Variants in SYTL5 observed in about 807,000 individuals in gnomAD.
SYTL5 encodes the protein synaptotagmin-like protein 5.
Under a neutral mutation model 55.9 loss-of-function variants are expected in SYTL5, and 34 were observed. The ratio of observed to expected loss-of-function variants is 0.61; its 90% confidence interval spans 0.46 to 0.81. SYTL5 has a LOEUF of 0.81. Ranked by LOEUF, SYTL5 falls within the 30% of genes least tolerant of loss-of-function variation. The pLI is 0.00. For synonymous variants in SYTL5, 221 were observed against 188.7 expected (o/e 1.17, Z -1.40); for missense variants, 637 against 546.7 (o/e 1.17, Z -1.65).
At chrX:37,915,160 G>A in the SYTL5 span, among the ~76,000 whole-genome samples, 2 of 111,562 alleles carry the variant, frequency 1.8e-5, no homozygotes, top group African/African-American at 3.3e-5. Context: ...GTGTGTGTGC[G>A]CGCGCATGCA....
chrX:38,056,726 C>G lies in SYTL5; in HGVS notation c.329+2304C>G, dbSNP rs747820040. On this transcript the variant is annotated intron_variant, in intron 3 of 16. Transcript: ENST00000297875. ...ATCTGATGATCAATGTTGTTGAACA[C>G]CTTTTCATATGCGTGTTTGCCATTT... is the stretch of plus-strand genomic sequence containing the variant. Among the ~76,000 whole-genome samples, 6 of 111,797 alleles carry G rather than the reference C, an allele frequency of 5.4e-5. No individual in the cohort carries two copies. In the South Asian group the frequency reaches 2.2e-3, roughly 42 times the overall value.
At chrX:37,900,056 ATGAAAC>A in the SYTL5 span, among the ~76,000 whole-genome samples, 3 of 111,986 alleles carry the variant, frequency 2.7e-5, no homozygotes, top group Non-Finnish European at 5.6e-5. Context: ...AATAGGCTGA[ATGAAAC>A]TGAAACAAGT....
intron 6 of SYTL5, among the ~76,000 whole-genome samples, chrX:38,088,157 A>T (rs941814374): frequency 9.0e-6 from 1 of 111,711 alleles, no homozygotes; most frequent in Non-Finnish European, 1.9e-5. Context: ...CACAGCTTTG[A>T]AAAAACTTAG....
At chrX:38,037,788 TGATA>T (rs3067489) in intron 2 of SYTL5, among the ~76,000 whole-genome samples, 7,070 of 82,377 alleles carry the variant, frequency 0.086, 219 homozygotes, top group Middle Eastern at 0.13. Flanking sequence ...AACATTTTTC[TGATA>T]GATAGATAGA....
At chrX:37,975,259 G>A in the SYTL5 span, among the ~76,000 whole-genome samples, 3 of 111,794 alleles carry the variant, frequency 2.7e-5, no homozygotes, top group African/African-American at 9.8e-5. Flanking sequence ...GTCATTGGCT[G>A]AGAGCTCCTC....
chrX:37,980,069 GTTCT>G, the SYTL5 span, among the ~76,000 whole-genome samples: 1 of 111,035 alleles, frequency 9.0e-6, no homozygotes, highest in Non-Finnish European at 1.9e-5. Context: ...TTGGTTTTTT[GTTCT>G]TGCGAGTTTG....
At chrX:38,105,253 A>T (rs1452991026) in intron 10 of SYTL5, among the ~76,000 whole-genome samples, 2 of 112,791 alleles carry the variant, frequency 1.8e-5, no homozygotes, top group Non-Finnish European at 3.7e-5. Context: ...ACTCTGAGGC[A>T]TGTCTCAGTT....
chrX:38,015,143 C>T (rs1288696922), intron 1 of SYTL5, among the ~76,000 whole-genome samples: 1 of 112,202 alleles, frequency 8.9e-6, no homozygotes, highest in Non-Finnish European at 1.9e-5. Context: ...ATCATTATTA[C>T]CATGACTCAT....
chrX:38,083,773 C>CGTGTGTGTGTGTGTGT (rs1569180907), intron 6 of SYTL5, among the ~76,000 whole-genome samples: 1 of 40,191 alleles, frequency 2.5e-5, no homozygotes, highest in Admixed American at 2.9e-4. Flanking sequence ...TAAATAGACT[C>CGTGTGTGTGTGTGTGT]ATGTGTGTGT....
chrX:37,960,328 T>G, the SYTL5 span, among the ~76,000 whole-genome samples: 1 of 104,627 alleles, frequency 9.6e-6, no homozygotes. Flanking sequence ...TCTGCTTTCA[T>G]TTTAATTACA....
the SYTL5 span, among the ~76,000 whole-genome samples, chrX:37,944,096 G>A: frequency 1.8e-5 from 2 of 111,026 alleles, no homozygotes; most frequent in Admixed American, 9.6e-5. Flanking sequence ...GGAAGCCTGA[G>A]AAAGGAACTT....
the SYTL5 span, among the ~76,000 whole-genome samples, chrX:37,971,123 A>G: frequency 2.0e-5 from 2 of 101,509 alleles, no homozygotes; most frequent in South Asian, 4.4e-4. Flanking sequence ...AGCTCTTTAC[A>G]TATTTTTAGT....
At chrX:37,989,451 C>T in the SYTL5 span, among the ~76,000 whole-genome samples, 2 of 111,735 alleles carry the variant, frequency 1.8e-5, no homozygotes, top group African/African-American at 6.5e-5. Context: ...ACATATGCTA[C>T]CATTCAAAAT....
chrX:38,054,184 AAG>A (rs1935705099), intron 2 of SYTL5, 27 bp from the exon 3 acceptor site: 1 of 1,102,067 alleles, frequency 9.1e-7, no homozygotes, highest in Non-Finnish European at 1.2e-6. Context: ...TTGTTTTTTT[AAG>A]TGATTTTTTT....
intron 2 of SYTL5, among the ~76,000 whole-genome samples, chrX:38,040,454 TCC>T (rs915531275): frequency 1.0e-5 from 1 of 98,276 alleles, no homozygotes; most frequent in African/African-American, 3.7e-5. Context: ...TCATTAACCA[TCC>T]CCCCCCCGAC....
intron 6 of SYTL5, among the ~76,000 whole-genome samples, chrX:38,078,676 G>T (rs948387435): frequency 8.9e-6 from 1 of 112,305 alleles, no homozygotes; most frequent in African/African-American, 3.2e-5. Context: ...ATGGTCTCCA[G>T]TATCAGTGCT....
chrX:38,114,612 A>G (rs939133362), intron 13 of SYTL5, among the ~76,000 whole-genome samples: 2 of 112,093 alleles, frequency 1.8e-5, no homozygotes, highest in Admixed American at 9.5e-5. Flanking sequence ...AAATATGTAT[A>G]TATTATGGAA....
the SYTL5 span, among the ~76,000 whole-genome samples, chrX:37,890,598 A>G: frequency 0.19 from 21,410 of 110,913 alleles, 4,055 homozygotes; most frequent in African/African-American, 0.59. Context: ...ACTAATACCT[A>G]ATATTCCCAA....
rs1033457667 is a variant in SYTL5, at chrX:38,120,571, CAA to C, written c.1705+108_1705+109del. 4 of 607,105 alleles carry C rather than the reference CAA, an allele frequency of 6.6e-6. No individual in the cohort carries two copies. The African/African-American group carries it at 8.8e-5, about 13-fold the overall frequency. 50.0% of individuals were successfully genotyped at this position (607,105 alleles called of 1,213,427 possible). ...TTATATTTCTTTCATATTACACAAA[CAA>C]AACATAAAGGGTTTGGTGTCACTGT... On this transcript the variant is annotated intron_variant, in intron 14 of 16. Transcript: ENST00000297875.
Sources: allele counts gnomAD v4.1 joint callset (sites outside exome capture counted in the v4.1 genomes callset), GRCh38; gene constraint gnomAD v4.1.1; transcripts MANE v1.5; gene names NCBI Gene and HGNC (gene_info 2026-07-23, HGNC 2026-07-21).